The following C3orf33 variants were observed in gnomAD, a reference collection of about 807,000 sequenced individuals.
C3orf33 encodes the protein mitochondrial inner membrane subdomain organizer 1.
A neutral mutation model predicts 28.7 loss-of-function variants in C3orf33; 23 were observed. The ratio of observed to expected loss-of-function variants is 0.80; its 90% CI spans 0.58 to 1.13. The LOEUF is 1.13. C3orf33 is among the 50% of genes most tolerant of loss of function. C3orf33 has a pLI of 0.00. For synonymous variants in C3orf33, 119 were observed against 120.5 expected (o/e 0.99, Z 0.08); for missense variants, 327 against 353.4 (o/e 0.93, Z 0.60).
intron 1 of C3orf33, 81 bp downstream of exon 1, chr3:155,806,058 G>T: frequency 1.0e-6 from 1 of 978,384 alleles, no homozygotes; most frequent in Non-Finnish European, 1.4e-6. Context: ...CGGGATCCAC[G>T]CCTGAGGCCT....
At chr3:155,802,670 A>C (rs776252338) in intron 1 of C3orf33, 79 bp from the exon 2 acceptor site, 4 of 1,065,506 alleles carry the variant, frequency 3.8e-6, no homozygotes, top group Non-Finnish European at 5.5e-6. Context: ...AGGTAGAAAA[A>C]AAGAAGACTG....
intron 2 of C3orf33, among the ~76,000 whole-genome samples, chr3:155,788,250 T>C (rs1027610816): frequency 7.6e-6 from 1 of 131,606 alleles, no homozygotes; most frequent in African/African-American, 2.5e-5. Context: ...ACTGCATTAA[T>C]AGAATAAATT....
chr3:155,764,697 A>C (rs986601678), intron 4 of C3orf33, among the ~76,000 whole-genome samples: 2 of 152,098 alleles, frequency 1.3e-5, no homozygotes, highest in Admixed American at 1.3e-4. Flanking sequence ...CTAAAAAAAA[A>C]ACACAAAAAT....
At chr3:155,778,141 C>CAAAAAAAAAAAAA (rs55700532) in intron 2 of C3orf33, among the ~76,000 whole-genome samples, 2 of 75,784 alleles carry the variant, frequency 2.6e-5, no homozygotes, top group Non-Finnish European at 4.6e-5. Flanking sequence ...AACTCCATTT[C>CAAAAAAAAAAAAA]AAAAAAAAAA....
chr3:155,783,152 T>C (rs1750986028), intron 2 of C3orf33, among the ~76,000 whole-genome samples: 1 of 149,532 alleles, frequency 6.7e-6, no homozygotes, highest in Non-Finnish European at 1.5e-5. Flanking sequence ...CTCAACCCAT[T>C]CTACATTTTT....
At chr3:155,772,065 C>T (rs1429144745) in intron 3 of C3orf33, among the ~76,000 whole-genome samples, 1 of 152,130 alleles carries the variant, frequency 6.6e-6, no homozygotes, top group East Asian at 1.9e-4. Context: ...AATTAGTGGA[C>T]ATGATGGTGC....
intron 3 of C3orf33, among the ~76,000 whole-genome samples, chr3:155,772,772 CTGTGTGTG>C (rs60966459): frequency 0.1 from 14,512 of 142,160 alleles, 919 homozygotes; most frequent in Middle Eastern, 0.15. Context: ...TTTTTAGGCT[CTGTGTGTG>C]TGTGTGTGTG....
At chr3:155,795,195 C>T (rs1489892790) in intron 2 of C3orf33, among the ~76,000 whole-genome samples, 2 of 152,232 alleles carry the variant, frequency 1.3e-5, no homozygotes, top group Non-Finnish European at 2.9e-5. Context: ...GTGGCTCACA[C>T]CTGTAATCCC....
At chr3:155,766,114 G>A (rs955758661) in intron 4 of C3orf33, among the ~76,000 whole-genome samples, 13 of 152,180 alleles carry the variant, frequency 8.5e-5, no homozygotes, top group African/African-American at 2.9e-4. Context: ...TTGCAGTCTC[G>A]ACTGCGTAGG....
In C3orf33 at chr3:155,770,259, G is replaced by A. The variant is rs369402041; in HGVS notation, c.323-2590C>T. 5.3e-5 allele frequency among the ~76,000 whole-genome samples: 8 copies of A among 152,264 alleles called. 1 individual carries two copies. In the East Asian group the frequency reaches 9.7e-4, roughly 18 times the overall value. Reference sequence around the variant, plus strand: ...AGAATTGAGACCCACTGAACAGCACGTGCAAATGAGCACAGGGTCCAGACC... The same window carrying A: ...AGAATTGAGACCCACTGAACAGCACATGCAAATGAGCACAGGGTCCAGACC... On this transcript the variant is annotated intron_variant, in intron 3 of 4. Transcript: ENST00000340171.
At chr3:155,804,255 A>G (rs1203938354) in intron 1 of C3orf33, 2 of 358,502 alleles carry the variant, frequency 5.6e-6, no homozygotes, top group Non-Finnish European at 1.1e-5. Context: ...ATTATTTGTA[A>G]TATTATAACT....
intron 3 of C3orf33, 45 bp from the exon 4 acceptor site, chr3:155,767,714 G>C: frequency 4.3e-6 from 6 of 1,382,118 alleles, no homozygotes; most frequent in Non-Finnish European, 5.7e-6. Flanking sequence ...ACAGCATGTT[G>C]CAAAAGCAAA....
chr3:155,772,812 G>GTGTGTGCC (rs1750632059), intron 3 of C3orf33, among the ~76,000 whole-genome samples: 1 of 146,680 alleles, frequency 6.8e-6, no homozygotes, highest in Non-Finnish European at 1.5e-5. Flanking sequence ...GTGTGTGTGT[G>GTGTGTGCC]CCTCCTCATT....
chr3:155,782,582 T>C (rs1750959634), intron 2 of C3orf33, among the ~76,000 whole-genome samples: 1 of 152,216 alleles, frequency 6.6e-6, no homozygotes, highest in African/African-American at 2.4e-5. Context: ...GGCTATAAGG[T>C]AGTGGACTGA....
intron 2 of C3orf33, among the ~76,000 whole-genome samples, chr3:155,782,259 G>C (rs1396379326): frequency 4.0e-5 from 6 of 150,512 alleles, no homozygotes; most frequent in Admixed American, 4.0e-4. Context: ...GGAATCTATG[G>C]AACACCATTA....
chr3:155,803,796 C>T (rs1168407221), intron 1 of C3orf33, among the ~76,000 whole-genome samples: 5 of 151,508 alleles, frequency 3.3e-5, no homozygotes, highest in African/African-American at 7.3e-5. Flanking sequence ...GCACGAGAAT[C>T]GCTAGAACCC....
Position 155,763,600 on chromosome 3 carries a change from A to G in C3orf33, c.802T>C (p.Trp268Arg). Residue 268 changes from tryptophan (W) to arginine (R), a missense_variant, in exon 5 of 5, where the codon TGG becomes CGG. Physicochemically the swap from Trp to Arg is moderately radical, Grantham distance 101. Transcript: ENST00000340171. ...YEKLKRTYEIWKDNMNNCSLI... is the reference protein window; with the variant it reads ...YEKLKRTYEIRKDNMNNCSLI... ...GAGCAGTTGTTCATGTTGTCTTTCC[A>G]TATTTCATAAGTCCTTTTAAGTTTT... The G allele has an allele frequency of 6.3e-7, 1 of 1,587,026 alleles. No homozygotes were observed. The highest frequency in any genetic ancestry group is 8.5e-7 in the Non-Finnish European group (1 of 1,173,192).
chr3:155,768,922 T>C (rs930795954), intron 3 of C3orf33, among the ~76,000 whole-genome samples: 2 of 152,148 alleles, frequency 1.3e-5, no homozygotes, highest in African/African-American at 4.8e-5. Context: ...ACTCCTGTAA[T>C]CCCAGCACTT....
chr3:155,775,836 T>G lies in C3orf33; in HGVS notation c.187A>C (p.Thr63Pro). 2 of 1,588,974 alleles carry G rather than the reference T, an allele frequency of 1.3e-6. No homozygotes were observed. Among genetic ancestry groups the G allele is most frequent in the Non-Finnish European group, 1.7e-6 (2 of 1,162,418 alleles). ...LRSIRLTSKF[T>P]SSSDIPVEFI... is the part of the protein sequence containing the mutation. Reference sequence around the variant, plus strand: ...TCTACTGGAATATCCGAAGAGCTTGTAAATTTTGATGTCTATTGATTTACA... The same window carrying G: ...TCTACTGGAATATCCGAAGAGCTTGGAAATTTTGATGTCTATTGATTTACA... Residue 63 changes from threonine to proline, a missense_variant, in exon 3 of 5, where the codon ACA becomes CCA. Thr to Pro is a conservative substitution (Grantham distance 38, BLOSUM62 -1). Transcript: ENST00000340171.
Sources: allele counts gnomAD v4.1 joint callset (sites outside exome capture counted in the v4.1 genomes callset), GRCh38; gene constraint gnomAD v4.1.1; transcripts MANE v1.5; gene names NCBI Gene and HGNC (gene_info 2026-07-23, HGNC 2026-07-21).